The following MIER3 variants were observed in gnomAD, a reference collection of about 807,000 sequenced individuals.
MIER3 encodes the protein MIER family member 3.
MIER3 carries 9 observed loss-of-function variants against 63.2 expected under a neutral mutation model. The ratio of observed to expected loss-of-function variants is 0.14; its 90% CI spans 0.09 to 0.25. The LOEUF (loss-of-function observed/expected upper bound fraction) is 0.25. MIER3 is among the 10% of genes least tolerant of loss of function. The pLI, the probability that MIER3 is intolerant of heterozygous loss-of-function variation, is 1.00. For synonymous variants in MIER3, 205 were observed against 224.9 expected (o/e 0.91, Z 0.79); for missense variants, 512 against 666.2 (o/e 0.77, Z 2.55).
In MIER3 at chr5:56,923,092, G is replaced by A; in HGVS notation, c.*36C>T. ...CCTGATAGCTCCCCTCAAGTTTACT[G>A]GTGCTGCACACGCAGTTCCGGGATC... On this transcript the variant is annotated 3_prime_UTR_variant, in exon 13 of 13. Coordinates refer to ENST00000381199, the MANE Select transcript of MIER3 (RefSeq NM_001297599.2). The A allele has an allele frequency of 6.3e-7, 1 of 1,579,460 alleles. No homozygotes were observed. Among genetic ancestry groups the A allele is most frequent in the Non-Finnish European group, 8.7e-7 (1 of 1,153,392 alleles).
chr5:56,937,666 A>G lies in MIER3; in HGVS notation c.348T>C (p.Asp116=). 6.2e-7 allele frequency: 1 copy of G among 1,612,164 alleles called. No homozygotes were observed. The highest frequency in any genetic ancestry group is 8.5e-7 in the Non-Finnish European group (1 of 1,178,954). ...EEIAKDLLSG[D]DEETQSSADD... is the part of the protein sequence containing the mutation. ...CCGCAGAAGACTGAGTTTCCTCGTC[A>G]TCACCTGACAACAGGTCTTTTGCTA... Residue 116 remains aspartate, a synonymous_variant, in exon 5 of 13, where the codon GAT becomes GAC. Transcript: ENST00000381199.
intron 2 of MIER3, among the ~76,000 whole-genome samples, chr5:56,948,761 G>T (rs945079477): frequency 6.6e-6 from 1 of 152,132 alleles, no homozygotes; most frequent in African/African-American, 2.4e-5. Context: ...GGAATTCTTG[G>T]CAAGTTCCAT....
In MIER3 at chr5:56,923,533, C is replaced by T. The variant is rs13158348; in HGVS notation, c.1248G>A (p.Leu416=). The T allele has an allele frequency of 6.2e-7, 1 of 1,614,146 alleles. No individual in the cohort carries two copies. Among genetic ancestry groups the T allele is most frequent in the Non-Finnish European group, 8.5e-7 (1 of 1,180,012 alleles). ...TVCDPTDVNC[L]DDSFPPLGNT... is the part of the protein sequence containing the mutation. ...TGCCCAGTGGAGGAAAGCTATCATC[C>T]AAACAATTCACATCTGTGGGGTCGC... The change falls in exon 13 of 13, where the codon TTG becomes TTA. Residue 416 remains leucine (L), a synonymous_variant. Transcript: ENST00000381199.
At chr5:56,936,209 T>C (rs911851199) in intron 5 of MIER3, among the ~76,000 whole-genome samples, 3 of 137,592 alleles carry the variant, frequency 2.2e-5, no homozygotes, top group African/African-American at 8.3e-5. Flanking sequence ...AGAGTGAGAC[T>C]CCATCTCAAA....
chr5:56,930,549 C>T, intron 9 of MIER3, 115 bp downstream of exon 9: 1 of 847,088 alleles, frequency 1.2e-6, no homozygotes, highest in Non-Finnish European at 2.0e-6. Flanking sequence ...TGGAGCTGAA[C>T]CAGATCTTAC....
In MIER3 at chr5:56,922,855, G is replaced by A; in HGVS notation, c.*273C>T. The A allele has an allele frequency of 2.4e-6, 1 of 421,508 alleles. No individual in the cohort carries two copies. Among genetic ancestry groups the A allele is most frequent in the Non-Finnish European group, 4.4e-6 (1 of 229,060 alleles). 26.1% of individuals were successfully genotyped at this position (421,508 alleles called of 1,614,324 possible). ...AGAAAAAGAAGGGAGTGGGGAAGAG[G>A]TATTGGGAGATGAGGAAGAGAGAAG... On this transcript the variant is annotated 3_prime_UTR_variant, in exon 13 of 13. Coordinates refer to ENST00000381199, the MANE Select transcript of MIER3 (RefSeq NM_001297599.2).
intron 8 of MIER3, 78 bp downstream of exon 8, chr5:56,933,168 TA>T (rs1243127484): frequency 2.9e-6 from 4 of 1,379,126 alleles, no homozygotes; most frequent in Non-Finnish European, 3.8e-6. Context: ...CCTCACATGT[TA>T]AAAATATCTG....
chr5:56,920,522 T>C lies in MIER3; in HGVS notation c.*2606A>G, dbSNP rs1201252465. The C allele has an allele frequency of 1.3e-5, 2 of 152,598 alleles. No individual in the cohort carries two copies. The highest frequency in any genetic ancestry group is 4.8e-5 in the African/African-American group (2 of 41,458). 9.5% of individuals were successfully genotyped at this position (152,598 alleles called of 1,614,324 possible). ...TTAACACTTGATAATAAAGGCATTA[T>C]TGTTTCTTCACATGATTGCAAATCC... On this transcript the variant is annotated 3_prime_UTR_variant, in exon 13 of 13. Transcript: ENST00000381199.
intron 9 of MIER3, 149 bp from the exon 10 acceptor site, chr5:56,929,010 C>A (rs1191651199): frequency 1.6e-5 from 9 of 565,810 alleles, no homozygotes; most frequent in Non-Finnish European, 2.5e-5. Context: ...CACACACTCT[C>A]TCTCTCTCTC....
chr5:56,929,857 G>A (rs1191456107), intron 9 of MIER3, among the ~76,000 whole-genome samples: 2 of 152,122 alleles, frequency 1.3e-5, no homozygotes, highest in South Asian at 2.1e-4. Context: ...TGTCTCATTT[G>A]ACATGGGAGA....
chr5:56,942,680 C>G (rs1045060337), intron 3 of MIER3, among the ~76,000 whole-genome samples: 1 of 151,992 alleles, frequency 6.6e-6, no homozygotes, highest in South Asian at 2.1e-4. Context: ...AAGAAAAGAT[C>G]ATAAAATAAG....
At chr5:56,950,104 T>C (rs551650270) in intron 2 of MIER3, among the ~76,000 whole-genome samples, 1 of 152,334 alleles carries the variant, frequency 6.6e-6, no homozygotes, top group Non-Finnish European at 1.5e-5. Flanking sequence ...TCACCCTTTT[T>C]CTGTGCCAAA....
chr5:56,949,969 A>G (rs535157646), intron 2 of MIER3, among the ~76,000 whole-genome samples: 7 of 152,202 alleles, frequency 4.6e-5, no homozygotes, highest in African/African-American at 1.7e-4. Context: ...GTAATTATGC[A>G]TATGTGCAGA....
At chr5:56,950,401 G>T (rs1035285257) in intron 2 of MIER3, among the ~76,000 whole-genome samples, 1 of 152,002 alleles carries the variant, frequency 6.6e-6, no homozygotes, top group African/African-American at 2.4e-5. Flanking sequence ...TTAAAAGAAC[G>T]CTTGTCTTAG....
chr5:56,919,674 C>CA lies in MIER3; in HGVS notation c.*3453dup, dbSNP rs960692423. On this transcript the variant is annotated 3_prime_UTR_variant, in exon 13 of 13. Coordinates refer to ENST00000381199, the MANE Select transcript of MIER3 (RefSeq NM_001297599.2). ...AGTACAACAAATACAAAATAATGCT[C>CA]AAAAAAATCAGTGTTTATGTACAAA... The CA allele has an allele frequency of 3.9e-5, 6 of 152,450 alleles. No individual in the cohort carries two copies. The highest frequency in any genetic ancestry group is 8.8e-5 in the Non-Finnish European group (6 of 67,992). 9.4% of individuals were successfully genotyped at this position (152,450 alleles called of 1,614,324 possible). A position where few individuals can be genotyped will look rare whatever the true frequency, so the allele number is the denominator to read the frequency against.
chr5:56,951,968 G>T, intron 1 of MIER3, 126 bp downstream of exon 1: 1 of 795,954 alleles, frequency 1.3e-6, no homozygotes, highest in Non-Finnish European at 1.6e-6. Flanking sequence ...CGACCCCCGC[G>T]TCGCCACGCC....
At chr5:56,924,064 TA>T in intron 10 of MIER3, 22 bp from the exon 11 acceptor site, 4 of 1,591,134 alleles carry the variant, frequency 2.5e-6, no homozygotes. Flanking sequence ...GTTGAATTTT[TA>T]AAAAACCAAC....
At position 56,923,182 on chromosome 5, in the gene MIER3, A is replaced by G; in HGVS notation, c.1599T>C (p.Asn533=). ...GCAGAGCATGGGCACTGATGAAACC[A>G]TTGGTCTCGTTGGCAGAGAGACTGC... ...DFGSLSANET[N]GFISAHALHQ... The change falls in exon 13 of 13, where the codon AAT becomes AAC. Residue 533 remains asparagine, a synonymous_variant. Coordinates refer to ENST00000381199, the MANE Select transcript of MIER3 (RefSeq NM_001297599.2). The G allele has an allele frequency of 6.2e-7, 1 of 1,614,022 alleles. No individual in the cohort carries two copies. The highest frequency in any genetic ancestry group is 8.5e-7 in the Non-Finnish European group (1 of 1,179,990).
Position 56,922,938 on chromosome 5 carries a change from GT to G in MIER3, c.*189del. The G allele has an allele frequency of 1.7e-6, 1 of 595,916 alleles. No individual in the cohort carries two copies. Among genetic ancestry groups the G allele is most frequent in the South Asian group, 2.1e-5 (1 of 48,056 alleles). 36.9% of individuals were successfully genotyped at this position (595,916 alleles called of 1,614,324 possible). On this transcript the variant is annotated 3_prime_UTR_variant, in exon 13 of 13. Coordinates refer to ENST00000381199, the MANE Select transcript of MIER3 (RefSeq NM_001297599.2). ...TTAGTTCCCAACTCTGCTGATCATA[GT>G]TCATTTCCACATTTATGGATTGAAA...
Sources: allele counts gnomAD v4.1 joint callset (sites outside exome capture counted in the v4.1 genomes callset), GRCh38; gene constraint gnomAD v4.1.1; transcripts MANE v1.5; gene names NCBI Gene and HGNC (gene_info 2026-07-23, HGNC 2026-07-21).